Variants in MRPL10 observed in about 807,000 individuals in gnomAD.
MRPL10 encodes the protein mitochondrial ribosomal protein L10, also known as large ribosomal subunit protein uL10m.
Under a neutral mutation model 19.8 loss-of-function variants are expected in MRPL10, and 14 were observed. The ratio of observed to expected loss-of-function variants is 0.71; its 90% CI spans 0.47 to 1.11. The LOEUF is 1.11. Among genes scored for constraint, MRPL10 ranks in the 50% least tolerant of loss-of-function variants. The pLI is 0.00. For synonymous variants in MRPL10, 129 were observed against 139.2 expected (o/e 0.93, Z 0.52); for missense variants, 318 against 339.6 (o/e 0.94, Z 0.50).
chr17:47,827,986 C>A (rs1053789795), intron 2 of MRPL10, among the ~76,000 whole-genome samples: 1 of 149,596 alleles, frequency 6.7e-6, no homozygotes, highest in African/African-American at 2.5e-5. Context: ...AGGCAGATCA[C>A]GAGGTCAGGA....
rs1308910882 is a variant in MRPL10 at position 47,824,069 on chromosome 17, C to A, written c.*136G>T. 1.8e-6 allele frequency: 2 copies of A among 1,118,572 alleles called. No individual in the cohort carries two copies. The highest frequency in any genetic ancestry group is 1.5e-5 in the African/African-American group (1 of 64,530). 69.3% of individuals were successfully genotyped at this position (1,118,572 alleles called of 1,614,324 possible). ...TCTGCATCTCCAAGTGGCCCTATAC[C>A]TGACAATATCATTACTAGTGAAAAC... On this transcript the variant is annotated 3_prime_UTR_variant, in exon 5 of 5. Transcript: ENST00000351111.
rs1365784617 is a variant in MRPL10, at chr17:47,826,755, G to A, written c.414C>T (p.Ser138=). 8.1e-6 allele frequency: 13 copies of A among 1,614,204 alleles called. No homozygotes were observed. Among genetic ancestry groups the A allele is most frequent in the South Asian group, 2.2e-5 (2 of 91,084 alleles). ...AAAGGGGCAGCAGATTTTGGTACTT[G>A]GAATCCTCCAGGAAGGGCTTCAGGA... The part of the protein sequence containing the change: ...NQVLKPFLED[S]KYQNLLPLFV... The change falls in exon 4 of 5, where the codon TCC becomes TCT. Residue 138 remains serine, a synonymous_variant. Coordinates refer to ENST00000351111, the MANE Select transcript of MRPL10 (RefSeq NM_145255.4).
intron 1 of MRPL10, among the ~76,000 whole-genome samples, chr17:47,829,909 A>G (rs897032452): frequency 1.3e-5 from 2 of 149,724 alleles, no homozygotes; most frequent in Non-Finnish European, 3.0e-5. Context: ...AAAAAAAAAG[A>G]AAGAAAGAAA....
At chr17:47,827,894 CAAAAAAAAA>C (rs60303077) in intron 2 of MRPL10, among the ~76,000 whole-genome samples, 9 of 45,716 alleles carry the variant, frequency 2.0e-4, no homozygotes, top group Non-Finnish European at 2.8e-4. Flanking sequence ...CTCTGTCTCA[CAAAAAAAAA>C]AAAAAAAAAA....
chr17:47,828,511 G>T lies in MRPL10; in HGVS notation c.212C>A (p.Pro71His), dbSNP rs748544760. ...HPSCLPSPPS[P>H]PQEEIGLIRL... ...CAAATTCCTCCTTACCTCCTGTGGG[G>T]GGCTGGGAGGAGATGGCAGGCATGA... The change falls in exon 2 of 5, where the codon CCC becomes CAC. Residue 71 changes from proline (P) to histidine (H), a missense_variant. Coordinates refer to ENST00000351111, the MANE Select transcript of MRPL10 (RefSeq NM_145255.4). 6.9e-7 allele frequency: 1 copy of T among 1,439,190 alleles called. No homozygotes were observed. Among genetic ancestry groups the T allele is most frequent in the Non-Finnish European group, 9.1e-7 (1 of 1,092,986 alleles). The allele number at this position is 1,439,190 out of a possible 1,614,324, so 89.2% of individuals were successfully genotyped here.
Position 47,824,189 on chromosome 17 carries a change from T to C in MRPL10, c.*16A>G. On this transcript the variant is annotated 3_prime_UTR_variant, in exon 5 of 5. Coordinates refer to ENST00000351111, the MANE Select transcript of MRPL10 (RefSeq NM_145255.4). ...CGCAGAGTGTATTTATGCGCAGGGC[T>C]GGCTAAACAGGCTGGCTACGAGTCC... The C allele has an allele frequency of 6.2e-7, 1 of 1,614,108 alleles. No homozygotes were observed. Among genetic ancestry groups the C allele is most frequent in the Non-Finnish European group, 8.5e-7 (1 of 1,180,026 alleles).
Position 47,823,697 on chromosome 17 carries a change from T to C in MRPL10, c.*508A>G, listed in dbSNP as rs2033480618. 6.1e-6 allele frequency: 1 copy of C among 162,820 alleles called. No individual in the cohort carries two copies. Among genetic ancestry groups the C allele is most frequent in the East Asian group, 1.9e-4 (1 of 5,394 alleles). 10.1% of individuals were successfully genotyped at this position (162,820 alleles called of 1,614,324 possible). ...CATGACCTTGAGCAAGCCACTTAAT[T>C]TCTCTGCTCCTTCTCTGTGAAATGG... is the stretch of plus-strand genomic sequence containing the variant. On this transcript the variant is annotated 3_prime_UTR_variant, in exon 5 of 5. Transcript: ENST00000351111.
Position 47,827,148 on chromosome 17 carries a change from G to A in MRPL10, c.279C>T (p.Asn93=), listed in dbSNP as rs777479781. The part of the protein sequence containing the change: ...RREIAAVFQD[N]RMIAVCQNVA... The stretch of plus-strand genomic sequence containing the variant: ...CATTCTGGCAGACGGCTATCATTCG[G>A]TTGTCCTGGAAAACTGCTGCTATCT... Residue 93 remains asparagine (N), a synonymous_variant, in exon 3 of 5, where the codon AAC becomes AAT. Transcript: ENST00000351111. 6.2e-7 allele frequency: 1 copy of A among 1,614,082 alleles called. No homozygotes were observed. Among genetic ancestry groups the A allele is most frequent in the South Asian group, 1.1e-5 (1 of 91,072 alleles).
intron 2 of MRPL10, 41 bp downstream of exon 2, chr17:47,828,460 C>T (rs371840631): frequency 8.4e-5 from 113 of 1,349,060 alleles, no homozygotes; most frequent in Non-Finnish European, 1.1e-4. Flanking sequence ...TTTAATCCAC[C>T]ATCCCACCAC....
chr17:47,828,256 G>A (rs62076130), intron 2 of MRPL10: 15,474 of 366,784 alleles, frequency 0.042, 492 homozygotes, highest in Non-Finnish European at 0.058. Flanking sequence ...ACCTGCTAGG[G>A]TAGCTCTCAC....
chr17:47,831,119 A>T (rs1391914003), intron 1 of MRPL10, among the ~76,000 whole-genome samples: 4 of 152,212 alleles, frequency 2.6e-5, no homozygotes, highest in Non-Finnish European at 5.9e-5. Flanking sequence ...GGAGTTTAAT[A>T]GAGGAAACAA....
intron 1 of MRPL10, chr17:47,831,238 T>C: frequency 8.0e-7 from 1 of 1,255,616 alleles, no homozygotes; most frequent in Non-Finnish European, 1.1e-6. Context: ...AATGCAAAGG[T>C]CTGGGCGAGG....
chr17:47,828,759 A>G (rs567300786), intron 1 of MRPL10, 89 bp from the exon 2 acceptor site: 1 of 1,043,112 alleles, frequency 9.6e-7, no homozygotes, highest in South Asian at 2.0e-5. Flanking sequence ...CCTCTAGCAG[A>G]GAAAAGCACA....
chr17:47,824,415 G>A lies in MRPL10; in HGVS notation c.576C>T (p.Ile192=), dbSNP rs535856814. The A allele has an allele frequency of 6.3e-7, 1 of 1,580,958 alleles. No homozygotes were observed. The highest frequency in any genetic ancestry group is 1.2e-5 in the South Asian group (1 of 86,756). The stretch of plus-strand genomic sequence containing the variant: ...GCAGGCTGGGGAGCTTGGAGTAGTT[G>A]ATAAAGCCCTGCCTGCTGAGGATGG... The part of the protein sequence containing the change: ...DDTILSRQGF[I]NYSKLPSLPL... Residue 192 remains isoleucine (I), a synonymous_variant, in exon 5 of 5, where the codon ATC becomes ATT. Transcript: ENST00000351111.
chr17:47,825,432 A>C (rs62076129), intron 4 of MRPL10, among the ~76,000 whole-genome samples: 44,780 of 151,802 alleles, frequency 0.29, 7,917 homozygotes, highest in Non-Finnish European at 0.41. Flanking sequence ...AGTTCAAGAC[A>C]AGCCTGGGCA....
intron 2 of MRPL10, 58 bp downstream of exon 2, chr17:47,828,443 A>C: frequency 7.9e-7 from 1 of 1,258,568 alleles, no homozygotes; most frequent in South Asian, 2.0e-5. Context: ...GCCAGAGACA[A>C]GATTACTTTA....
chr17:47,824,390 G>T lies in MRPL10; in HGVS notation c.601C>A (p.Pro201Thr). 1 of 1,604,702 alleles carries T rather than the reference G, an allele frequency of 6.2e-7. No homozygotes were observed. The highest frequency in any genetic ancestry group is 8.5e-7 in the Non-Finnish European group (1 of 1,174,276). ...FINYSKLPSLPLVQGELVGGL... is the reference protein window; with the variant it reads ...FINYSKLPSLTLVQGELVGGL... ...CCTACAAGCTCCCCCTGCACCAGGG[G>T]CAGGCTGGGGAGCTTGGAGTAGTTG... The change falls in exon 5 of 5, where the codon CCC becomes ACC. Residue 201 changes from proline (P) to threonine (T), a missense_variant. Transcript: ENST00000351111.
chr17:47,831,211 C>T (rs2033624544), intron 1 of MRPL10: 1 of 963,466 alleles, frequency 1.0e-6, no homozygotes, highest in South Asian at 1.7e-5. Flanking sequence ...TAGACTGACA[C>T]ATTAAGATGG....
chr17:47,828,433 G>T, intron 2 of MRPL10, 68 bp downstream of exon 2: 1 of 1,178,104 alleles, frequency 8.5e-7, no homozygotes, highest in Non-Finnish European at 1.1e-6. Context: ...CTTCACTATG[G>T]CCAGAGACAA....
Sources: gnomAD v4.1 joint callset for allele counts (sites outside exome capture counted in the v4.1 genomes callset) on GRCh38, gnomAD v4.1.1 for gene constraint, MANE v1.5 for transcripts, NCBI Gene and HGNC (gene_info 2026-07-23, HGNC 2026-07-21) for gene names.